The following PRH1 variants were observed in gnomAD, a reference collection of about 807,000 sequenced individuals.
PRH1 encodes salivary acidic proline-rich phosphoprotein 1/2.
In PRH1, 7 loss-of-function variants were observed where a neutral mutation model predicts 7.9. The ratio of observed to expected loss-of-function variants is 0.89; its 90% CI spans 0.50 to 1.67. The LOEUF (loss-of-function observed/expected upper bound fraction) is 1.67, where lower values mean the gene tolerates loss of function less well. Ranked by LOEUF, PRH1 falls within the 40% of genes most tolerant of loss-of-function variation. The pLI is 0.00. For missense variants in PRH1, 109 were observed against 223.6 expected, an observed-to-expected ratio of 0.49 and a Z score of 3.27; for synonymous variants, 45 against 80.8, an observed-to-expected ratio of 0.56 and a Z score of 2.38.
At chr12:10,898,982 CAA>C (rs1031634134) in intron 2 of PRH1, among the ~76,000 whole-genome samples, 4 of 152,142 alleles carry the variant, frequency 2.6e-5, no homozygotes, top group East Asian at 1.9e-4. Flanking sequence ...CACATACAGT[CAA>C]AAGAGATTAT....
intron 2 of PRH1, 124 bp from the exon 3 acceptor site, chr12:10,882,822 C>T (rs1949428218): frequency 1.3e-6 from 2 of 1,495,354 alleles, no homozygotes; most frequent in Non-Finnish European, 1.8e-6. Flanking sequence ...TCCCAACCTC[C>T]CCCCTTCCCA....
chr12:11,107,178 T>A (rs946630214), intron 1 of PRH1, among the ~76,000 whole-genome samples: 2 of 152,120 alleles, frequency 1.3e-5, no homozygotes, highest in Non-Finnish European at 2.9e-5. Flanking sequence ...TTTATTAATT[T>A]TTTTGTTGAG....
rs751016037 is a variant in PRH1, at chr12:11,091,115, C to CACATATATATATATAT, written n.124-43928_124-43927insATATATATATATATGT. 2.1e-3 allele frequency among the ~76,000 whole-genome samples: 52 copies of CACATATATATATATAT among 25,116 alleles called. 3 individuals are homozygous for CACATATATATATATAT. Among genetic ancestry groups the CACATATATATATATAT allele is most frequent in the African/African-American group, 2.4e-3 (30 of 12,744 alleles). 16.5% of individuals were successfully genotyped at this position (25,116 alleles called of 152,430 possible). ...ACACAAATACACACACACACACACA[C>CACATATATATATATAT]ATATATATATATATATATATATATA... is the stretch of plus-strand genomic sequence containing the variant. On this transcript the variant is annotated intron_variant and non_coding_transcript_variant, in intron 1 of 4. Transcript: ENST00000541977.
chr12:10,885,766 G>T (rs1168116467), upstream of PRH1, among the ~76,000 whole-genome samples: 2 of 152,172 alleles, frequency 1.3e-5, no homozygotes, highest in Admixed American at 1.3e-4. Flanking sequence ...TTTGTGCATG[G>T]TTAGTCTTTA....
chr12:11,139,169 G>A (rs879787097), intron 1 of PRH1, among the ~76,000 whole-genome samples: 7 of 152,214 alleles, frequency 4.6e-5, no homozygotes, highest in Non-Finnish European at 7.4e-5. Flanking sequence ...GAATTTATAC[G>A]TAGAAATGTA....
chr12:11,168,655 G>A (rs970064261), intron 1 of PRH1, among the ~76,000 whole-genome samples: 2 of 152,154 alleles, frequency 1.3e-5, no homozygotes, highest in Non-Finnish European at 2.9e-5. Flanking sequence ...CAGAAAGGCA[G>A]AAGGCTCCTA....
chr12:11,116,870 A>G (rs1945746316), downstream of PRH1, among the ~76,000 whole-genome samples: 2 of 152,118 alleles, frequency 1.3e-5, no homozygotes, highest in Admixed American at 6.5e-5. Flanking sequence ...ATAAGATTCA[A>G]CATTCCTTCA....
chr12:11,039,374 A>C (rs1443861515), intron 1 of PRH1, among the ~76,000 whole-genome samples: 1 of 152,258 alleles, frequency 6.6e-6, no homozygotes, highest in Non-Finnish European at 1.5e-5. Context: ...CTTTATGGAA[A>C]ATATGATAAT....
At chr12:11,028,587 C>T (rs1942032680) in intron 1 of PRH1, among the ~76,000 whole-genome samples, 1 of 152,176 alleles carries the variant, frequency 6.6e-6, no homozygotes, top group African/African-American at 2.4e-5. Context: ...TGGTTACTAA[C>T]TCAATTTTTT....
intron 1 of PRH1, among the ~76,000 whole-genome samples, chr12:11,052,385 G>T (rs1315126107): frequency 6.6e-6 from 1 of 152,216 alleles, no homozygotes; most frequent in Non-Finnish European, 1.5e-5. Context: ...AAATCAGGTT[G>T]TATTTAGAAT....
chr12:10,929,706 A>G (rs1565477970), intron 2 of PRH1, among the ~76,000 whole-genome samples: 1 of 152,154 alleles, frequency 6.6e-6, no homozygotes, highest in South Asian at 2.1e-4. Flanking sequence ...TGGACAGTGG[A>G]TGAGTATCCA....
chr12:11,067,162 T>C (rs923748574), intron 1 of PRH1, among the ~76,000 whole-genome samples: 1 of 133,530 alleles, frequency 7.5e-6, no homozygotes, highest in African/African-American at 2.6e-5. Context: ...AAGATCATGC[T>C]AAATATGTTT....
At chr12:11,123,189 A>G (rs960483314) in intron 1 of PRH1, among the ~76,000 whole-genome samples, 3 of 152,152 alleles carry the variant, frequency 2.0e-5, no homozygotes, top group African/African-American at 4.8e-5. Context: ...ACTTCTGTAT[A>G]TTTTTCCATT....
chr12:10,951,879 T>C (rs1300329023), intron 2 of PRH1, among the ~76,000 whole-genome samples: 1 of 152,182 alleles, frequency 6.6e-6, no homozygotes, highest in East Asian at 1.9e-4. Flanking sequence ...CAATGTTGGG[T>C]TTTATTCATT....
chr12:11,030,687 G>C (rs10845294), intron 1 of PRH1: 382,620 of 1,612,686 alleles, frequency 0.24, 49,536 homozygotes, highest in Non-Finnish European at 0.27. Flanking sequence ...CTGGGATCTT[G>C]AGATCCTTTA....
rs1945060035 is a variant in PRH1, at chr12:11,095,878, T to A, written n.124-48690A>T. 1.7e-5 allele frequency among the ~76,000 whole-genome samples: 2 copies of A among 115,654 alleles called. 1 individual carries two copies. Among genetic ancestry groups the A allele is most frequent in the Non-Finnish European group, 4.1e-5 (2 of 49,032 alleles). 75.9% of individuals were successfully genotyped at this position (115,654 alleles called of 152,430 possible). ...TATTTTAAATTTCTGTTTATCAAGA[T>A]CTATTCTACTTTTGAAATACACTGA... On this transcript the variant is annotated intron_variant and non_coding_transcript_variant, in intron 1 of 4. Transcript: ENST00000541977.
intron 3 of PRH1, 23 bp downstream of exon 3, chr12:10,882,194 T>G: frequency 6.2e-7 from 1 of 1,612,178 alleles, no homozygotes; most frequent in Non-Finnish European, 8.5e-7. Context: ...GAGCCTTTGA[T>G]GGATAATAAA....
chr12:10,978,613 G>T (rs2900553), intron 1 of PRH1, among the ~76,000 whole-genome samples: 44,293 of 151,988 alleles, frequency 0.29, 8,280 homozygotes, highest in East Asian at 0.74. Flanking sequence ...CACAAGAAAA[G>T]AAATTATCAA....
At chr12:11,117,130 C>T (rs1354540153), downstream of PRH1, among the ~76,000 whole-genome samples, 1 of 152,020 alleles carries the variant, frequency 6.6e-6, no homozygotes, top group Non-Finnish European at 1.5e-5. Context: ...TCAAATTACG[C>T]TTGTTTGTAA....
Sources: gnomAD v4.1 joint callset for allele counts (sites outside exome capture counted in the v4.1 genomes callset) on GRCh38, gnomAD v4.1.1 for gene constraint, MANE v1.5 for transcripts, NCBI Gene and HGNC (gene_info 2026-07-23, HGNC 2026-07-21) for gene names.